PDZD2: variants seen among roughly 807,000 people sequenced by gnomAD.
The protein encoded by PDZD2 is PDZ domain containing 2.
PDZD2 carries 90 observed loss-of-function variants against 220.7 expected under a neutral mutation model. The observed-to-expected ratio is 0.41, with a 90% confidence interval of 0.34 to 0.49. The LOEUF (loss-of-function observed/expected upper bound fraction) is 0.49. PDZD2 is among the 20% of genes least tolerant of loss of function. The probability of loss-of-function intolerance (pLI) is 0.28; values close to 1 mark genes in which losing one functional copy is unlikely to be tolerated. For synonymous variants in PDZD2, 1,375 were observed against 1,450.5 expected, an observed-to-expected ratio of 0.95 and a Z score of 1.18; for missense variants, 3,174 against 3,608.5, an observed-to-expected ratio of 0.88 and a Z score of 3.08.
At chr5:31,948,255 A>AC (rs1422453827) in intron 2 of PDZD2, among the ~76,000 whole-genome samples, 3 of 152,084 alleles carry the variant, frequency 2.0e-5, no homozygotes, top group Non-Finnish European at 4.4e-5. Flanking sequence ...GCAAGCTGGG[A>AC]CATGTAAGTC....
chr5:31,902,781 C>T (rs71627332), intron 2 of PDZD2, among the ~76,000 whole-genome samples: 2,860 of 151,918 alleles, frequency 0.019, 50 homozygotes, highest in Non-Finnish European at 0.025. Context: ...ATAGGAGAAT[C>T]GCTTGAACCT....
intron 1 of PDZD2, among the ~76,000 whole-genome samples, chr5:31,751,200 C>T (rs1252287433): frequency 1.3e-5 from 2 of 149,126 alleles, no homozygotes; most frequent in Non-Finnish European, 3.0e-5. Context: ...AAGATCACAC[C>T]ATTGCACTCC....
chr5:32,004,022 G>A (rs556371131), intron 5 of PDZD2, among the ~76,000 whole-genome samples: 1 of 151,586 alleles, frequency 6.6e-6, no homozygotes, highest in Non-Finnish European at 1.5e-5. Context: ...TCTCCTGCTA[G>A]TTTGGAAAAT....
chr5:31,767,970 C>G (rs766109488), intron 1 of PDZD2, among the ~76,000 whole-genome samples: 3 of 152,230 alleles, frequency 2.0e-5, no homozygotes, highest in Non-Finnish European at 4.4e-5. Flanking sequence ...CAGATCATTC[C>G]TTTGGAACAG....
Position 31,689,336 on chromosome 5 carries a change from C to CAT in PDZD2, c.-361+49916_-361+49917dup, listed in dbSNP as rs200801339. ...ACATATACACATATATATACATATA[C>CAT]ATATATATATATATATATTTTTTTT... On this transcript the variant is annotated intron_variant, in intron 1 of 24. Coordinates refer to ENST00000438447, the MANE Select transcript of PDZD2 (RefSeq NM_178140.4). 1.4e-3 allele frequency among the ~76,000 whole-genome samples: 80 copies of CAT among 55,208 alleles called. 5 individuals carry two copies. Among genetic ancestry groups the CAT allele is most frequent in the East Asian group, 3.8e-3 (4 of 1,054 alleles). 36.2% of individuals were successfully genotyped at this position (55,208 alleles called of 152,430 possible).
chr5:32,044,086 T>G (rs1737694912), intron 7 of PDZD2, among the ~76,000 whole-genome samples: 5 of 151,842 alleles, frequency 3.3e-5, no homozygotes, highest in Admixed American at 3.3e-4. Context: ...CCCAGCACTT[T>G]GGGAGGCTGA....
At chr5:31,915,072 G>T (rs1225697015) in intron 2 of PDZD2, among the ~76,000 whole-genome samples, 1 of 152,162 alleles carries the variant, frequency 6.6e-6, no homozygotes, top group Admixed American at 6.6e-5. Flanking sequence ...AGCTGTAGGG[G>T]GTCTTCATTG....
chr5:32,030,010 C>A (rs567639208), intron 6 of PDZD2, among the ~76,000 whole-genome samples: 1 of 152,212 alleles, frequency 6.6e-6, no homozygotes, highest in African/African-American at 2.4e-5. Flanking sequence ...GAAATCAACC[C>A]GGTCCTACTT....
intron 2 of PDZD2, among the ~76,000 whole-genome samples, chr5:31,930,256 G>A (rs13183012): frequency 0.14 from 19,972 of 141,010 alleles, 1,562 homozygotes; most frequent in South Asian, 0.23. Context: ...CCCAGGCTGG[G>A]GTGCAGTGGC....
intron 1 of PDZD2, among the ~76,000 whole-genome samples, chr5:31,675,381 G>A (rs538372819): frequency 6.6e-6 from 1 of 152,322 alleles, no homozygotes; most frequent in Non-Finnish European, 1.5e-5. Flanking sequence ...CCAGCAGGAA[G>A]CAAAGCTTGT....
intron 3 of PDZD2, among the ~76,000 whole-genome samples, chr5:31,990,107 A>G (rs1205041315): frequency 6.6e-6 from 1 of 152,218 alleles, no homozygotes; most frequent in African/African-American, 2.4e-5. Context: ...CGGTTTCAGA[A>G]AAGGTTTGCA....
intron 1 of PDZD2, among the ~76,000 whole-genome samples, chr5:31,672,606 G>A (rs929605813): frequency 2.6e-5 from 4 of 152,140 alleles, no homozygotes; most frequent in South Asian, 2.1e-4. Context: ...AGGATCTCTC[G>A]GGCCCTCTCA....
At chr5:32,046,648 A>G (rs1363019222) in intron 7 of PDZD2, among the ~76,000 whole-genome samples, 1 of 152,222 alleles carries the variant, frequency 6.6e-6, no homozygotes. Flanking sequence ...TGTTTTTTCA[A>G]AATATACATT....
intron 13 of PDZD2, among the ~76,000 whole-genome samples, chr5:32,060,177 TG>T (rs1292753555): frequency 2.7e-5 from 4 of 148,068 alleles, no homozygotes; most frequent in African/African-American, 9.7e-5. Context: ...AATTTCCATA[TG>T]AAAAAAAATT....
rs1420834466 is a variant in PDZD2 at position 31,770,862 on chromosome 5, GTCTTA to G, written c.-360-28022_-360-28018del. ...ATGCCATGAATGGCCTCAGCTCTAG[GTCTTA>G]TCTTCTGTCTTTTTACTTTTTTTTT... On this transcript the variant is annotated intron_variant, in intron 1 of 24. Coordinates refer to ENST00000438447, the MANE Select transcript of PDZD2 (RefSeq NM_178140.4). Among the ~76,000 whole-genome samples the G allele has an allele frequency of 3.3e-5, 5 of 152,052 alleles. No individual in the cohort carries two copies. The East Asian group carries it at 9.6e-4, about 29-fold the overall frequency.
chr5:31,920,651 T>G (rs966793044), intron 2 of PDZD2, among the ~76,000 whole-genome samples: 3 of 128,216 alleles, frequency 2.3e-5, no homozygotes, highest in African/African-American at 1.0e-4. Flanking sequence ...AAAAAACAAT[T>G]TTTTTTTTAA....
At chr5:32,027,820 G>T (rs910382931) in intron 6 of PDZD2, among the ~76,000 whole-genome samples, 51 of 152,276 alleles carry the variant, frequency 3.3e-4, no homozygotes, top group African/African-American at 1.2e-3. Flanking sequence ...CCCAGCCCAG[G>T]CCTCTCTGAT....
At chr5:31,648,552 A>T (rs1309859207) in intron 1 of PDZD2, among the ~76,000 whole-genome samples, 1 of 152,058 alleles carries the variant, frequency 6.6e-6, no homozygotes, top group Non-Finnish European at 1.5e-5. Flanking sequence ...CCCTTGTTAA[A>T]ATCACTGCCA....
At chr5:31,899,041 A>T (rs7730392) in intron 2 of PDZD2, among the ~76,000 whole-genome samples, 42 of 151,494 alleles carry the variant, frequency 2.8e-4, no homozygotes, top group African/African-American at 1.0e-3. Flanking sequence ...GTTAGCCAGG[A>T]TGGTTTCAAT....
Sources: allele counts gnomAD v4.1 joint callset (sites outside exome capture counted in the v4.1 genomes callset), GRCh38; gene constraint gnomAD v4.1.1; transcripts MANE v1.5; gene names NCBI Gene and HGNC (gene_info 2026-07-23, HGNC 2026-07-21).